Variants in ROBO2 observed in about 807,000 individuals in gnomAD.
The protein encoded by ROBO2 is roundabout homolog 2.
Under a neutral mutation model 160.8 loss-of-function variants are expected in ROBO2, and 53 were observed. That is an observed-to-expected ratio of 0.33 (90% confidence interval 0.26 to 0.41). The LOEUF (loss-of-function observed/expected upper bound fraction) is 0.41, where lower values mean the gene tolerates loss of function less well. Ranked by LOEUF, ROBO2 falls within the 10% of genes least tolerant of loss-of-function variation. The probability of loss-of-function intolerance (pLI) is 1.00; values close to 1 mark genes in which losing one functional copy is unlikely to be tolerated. For missense variants in ROBO2, 1,577 were observed against 1,722.4 expected (o/e 0.92, Z 1.49); for synonymous variants, 664 against 611.7 (o/e 1.09, Z -1.26).
chr3:77,334,131 T>C (rs1260318377), intron 2 of ROBO2, among the ~76,000 whole-genome samples: 1 of 152,158 alleles, frequency 6.6e-6, no homozygotes, highest in Non-Finnish European at 1.5e-5. Flanking sequence ...AGTGATAGTT[T>C]TGATTGGTAG....
At chr3:76,767,480 A>T (rs2061638825) in intron 2 of ROBO2, among the ~76,000 whole-genome samples, 1 of 151,612 alleles carries the variant, frequency 6.6e-6, no homozygotes, top group Non-Finnish European at 1.5e-5. Flanking sequence ...TGACGTAGAT[A>T]AGTAAAATAT....
At chr3:76,398,456 C>A (rs967635363) in intron 2 of ROBO2, among the ~76,000 whole-genome samples, 1 of 151,468 alleles carries the variant, frequency 6.6e-6, no homozygotes, top group Non-Finnish European at 1.5e-5. Context: ...GCACATATAC[C>A]CTAAAACTTA....
At chr3:76,378,889 G>C (rs993211141) in intron 2 of ROBO2, among the ~76,000 whole-genome samples, 8 of 152,152 alleles carry the variant, frequency 5.3e-5, no homozygotes, top group Non-Finnish European at 8.8e-5. Context: ...AAATTCGAAA[G>C]AACTTGCAGC....
At chr3:76,772,131 G>A (rs977249113) in intron 2 of ROBO2, among the ~76,000 whole-genome samples, 15 of 151,194 alleles carry the variant, frequency 9.9e-5, no homozygotes, top group South Asian at 2.1e-4. Flanking sequence ...AGAGCCCCAC[G>A]GCATGTGGGC....
chr3:77,568,820 C>G (rs1583004293), intron 13 of ROBO2, among the ~76,000 whole-genome samples: 1 of 152,104 alleles, frequency 6.6e-6, no homozygotes, highest in Non-Finnish European at 1.5e-5. Context: ...CTCATTTCCC[C>G]TACCGTAGCC....
At chr3:77,018,022 G>A (rs1428833133) in intron 2 of ROBO2, among the ~76,000 whole-genome samples, 1 of 151,988 alleles carries the variant, frequency 6.6e-6, no homozygotes, top group East Asian at 1.9e-4. Flanking sequence ...TCGTGATATC[G>A]CCTGCATATA....
At chr3:77,301,788 A>G in intron 2 of ROBO2, among the ~76,000 whole-genome samples, 1 of 152,174 alleles carries the variant, frequency 6.6e-6, no homozygotes, top group East Asian at 1.9e-4. Flanking sequence ...TAGTGGTTAA[A>G]TGTATCACTC....
chr3:76,697,691 G>C (rs967382973), intron 2 of ROBO2, among the ~76,000 whole-genome samples: 2 of 63,370 alleles, frequency 3.2e-5, no homozygotes, highest in Non-Finnish European at 7.8e-5. Context: ...GAAAATATTA[G>C]ACAATTGTAT....
At chr3:77,093,296 C>T (rs1359798441) in intron 1 of ROBO2, among the ~76,000 whole-genome samples, 1 of 152,114 alleles carries the variant, frequency 6.6e-6, no homozygotes, top group African/African-American at 2.4e-5. Flanking sequence ...CTTTAGATGT[C>T]CAAAATGTTG....
chr3:76,431,333 A>C (rs1488467067), intron 2 of ROBO2, among the ~76,000 whole-genome samples: 1 of 152,152 alleles, frequency 6.6e-6, no homozygotes, highest in East Asian at 1.9e-4. Flanking sequence ...CTAGTTTCTA[A>C]GAATTCTATA....
At chr3:77,056,446 T>C (rs893177815) in intron 1 of ROBO2, among the ~76,000 whole-genome samples, 26 of 152,158 alleles carry the variant, frequency 1.7e-4, no homozygotes, top group African/African-American at 5.8e-4. Context: ...AATATCTTAA[T>C]TCATGCAGTG....
chr3:77,507,351 G>A (rs773434095), intron 5 of ROBO2, among the ~76,000 whole-genome samples: 7 of 152,180 alleles, frequency 4.6e-5, no homozygotes, highest in Non-Finnish European at 8.8e-5. Context: ...CACTGATGAA[G>A]GAGACTTCTT....
intron 4 of ROBO2, among the ~76,000 whole-genome samples, chr3:77,490,591 T>C (rs1209397515): frequency 6.6e-6 from 1 of 152,154 alleles, no homozygotes; most frequent in African/African-American, 2.4e-5. Flanking sequence ...TTATTTGGCT[T>C]CAAGTAATAT....
intron 2 of ROBO2, among the ~76,000 whole-genome samples, chr3:77,209,019 A>G (rs1393219378): frequency 1.3e-5 from 2 of 152,192 alleles, no homozygotes; most frequent in Non-Finnish European, 2.9e-5. Context: ...CTGACAATTT[A>G]TAAAATGATT....
intron 2 of ROBO2, among the ~76,000 whole-genome samples, chr3:76,699,293 T>C (rs1294616982): frequency 6.6e-6 from 1 of 152,204 alleles, no homozygotes; most frequent in East Asian, 1.9e-4. Flanking sequence ...AAAATTTGCA[T>C]GAGAGGCTTT....
intron 2 of ROBO2, among the ~76,000 whole-genome samples, chr3:76,324,911 C>T (rs971941948): frequency 2.0e-5 from 3 of 152,152 alleles, no homozygotes; most frequent in African/African-American, 7.2e-5. Context: ...TCGAGACCAT[C>T]CTGGCTAACA....
At chr3:76,396,820 A>G (rs2077481324) in intron 2 of ROBO2, among the ~76,000 whole-genome samples, 2 of 152,284 alleles carry the variant, frequency 1.3e-5, no homozygotes, top group East Asian at 3.9e-4. Flanking sequence ...AATGAAATAA[A>G]AGAGGATACA....
chr3:77,516,150 C>T (rs1048662689), intron 5 of ROBO2, among the ~76,000 whole-genome samples: 1 of 151,502 alleles, frequency 6.6e-6, no homozygotes, highest in Non-Finnish European at 1.5e-5. Context: ...TATTTTTACA[C>T]ATGCTATAAT....
intron 2 of ROBO2, among the ~76,000 whole-genome samples, chr3:77,196,987 G>T (rs2082367350): frequency 7.9e-6 from 1 of 126,824 alleles, no homozygotes; most frequent in Non-Finnish European, 1.8e-5. Flanking sequence ...GAAGAAGGTA[G>T]AGAAAAAAAA....
Sources: gnomAD v4.1 joint callset for allele counts (sites outside exome capture counted in the v4.1 genomes callset) on GRCh38, gnomAD v4.1.1 for gene constraint, MANE v1.5 for transcripts, NCBI Gene and HGNC (gene_info 2026-07-23, HGNC 2026-07-21) for gene names.